The following CFTR variants were observed in gnomAD, a reference collection of about 807,000 sequenced individuals.
CFTR encodes the protein cystic fibrosis transmembrane conductance regulator.
In CFTR, 181 loss-of-function variants were observed where a neutral mutation model predicts 171.6. The observed-to-expected ratio is 1.05, with a 90% confidence interval of 0.93 to 1.19. CFTR has a LOEUF of 1.19. Among genes scored for constraint, CFTR ranks in the 50% most tolerant of loss-of-function variants. The probability of loss-of-function intolerance (pLI) is 0.00; values close to 1 mark genes in which losing one functional copy is unlikely to be tolerated. For synonymous variants in CFTR, 583 were observed against 608.0 expected (o/e 0.96, Z 0.60); for missense variants, 1,968 against 1,734.7 (o/e 1.13, Z -2.39).
chr7:117,489,979 C>G (rs1798131943), intron 1 of CFTR, among the ~76,000 whole-genome samples: 1 of 151,862 alleles, frequency 6.6e-6, no homozygotes, highest in East Asian at 1.9e-4. Flanking sequence ...CCTGATCTTC[C>G]CTTGTGTCCC....
At chr7:117,563,485 T>G (rs1440122684) in intron 11 of CFTR, among the ~76,000 whole-genome samples, 1 of 152,046 alleles carries the variant, frequency 6.6e-6, no homozygotes, top group Non-Finnish European at 1.5e-5. Flanking sequence ...AAATGATCCT[T>G]CAGGAAAGAG....
At chr7:117,503,043 G>C (rs1798357050) in intron 1 of CFTR, among the ~76,000 whole-genome samples, 1 of 152,164 alleles carries the variant, frequency 6.6e-6, no homozygotes, top group Non-Finnish European at 1.5e-5. Flanking sequence ...CAGTGAGATT[G>C]GATATGAGGG....
chr7:117,605,898 G>A (rs1397431888), intron 17 of CFTR, among the ~76,000 whole-genome samples: 1 of 152,096 alleles, frequency 6.6e-6, no homozygotes, highest in Non-Finnish European at 1.5e-5. Flanking sequence ...TAAATGATAA[G>A]ATTCAATATC....
chr7:117,574,805 G>A (rs1161252851), intron 11 of CFTR, among the ~76,000 whole-genome samples: 1 of 152,022 alleles, frequency 6.6e-6, no homozygotes, highest in Non-Finnish European at 1.5e-5. Flanking sequence ...ACAATATTTA[G>A]TAGCTTTTTT....
At chr7:117,520,921 T>C (rs909712445) in intron 3 of CFTR, among the ~76,000 whole-genome samples, 1 of 151,962 alleles carries the variant, frequency 6.6e-6, no homozygotes, top group African/African-American at 2.4e-5. Flanking sequence ...TTGATGAAGA[T>C]TGCACTAATC....
chr7:117,640,770 C>G (rs967631176), intron 22 of CFTR, among the ~76,000 whole-genome samples: 6 of 152,060 alleles, frequency 3.9e-5, no homozygotes, highest in Admixed American at 2.0e-4. Flanking sequence ...AGGAGTTTAT[C>G]TAGCAATTGA....
chr7:117,647,150 CAG>C (rs1456971200), intron 23 of CFTR, among the ~76,000 whole-genome samples: 1 of 151,790 alleles, frequency 6.6e-6, no homozygotes, highest in African/African-American at 2.4e-5. Context: ...TTTTTGGAGA[CAG>C]AGTCTTGCAC....
chr7:117,482,731 A>G (rs1282617010), intron 1 of CFTR, among the ~76,000 whole-genome samples: 1 of 152,164 alleles, frequency 6.6e-6, no homozygotes, highest in African/African-American at 2.4e-5. Flanking sequence ...TTAAATTTAC[A>G]TTTTCTCACA....
At chr7:117,599,493 A>G (rs1041158590) in intron 15 of CFTR, among the ~76,000 whole-genome samples, 2 of 152,154 alleles carry the variant, frequency 1.3e-5, no homozygotes, top group South Asian at 2.1e-4. Context: ...TATAAATACC[A>G]TATAAATATC....
chr7:117,659,385 A>G (rs1322170069), intron 24 of CFTR, among the ~76,000 whole-genome samples: 1 of 152,188 alleles, frequency 6.6e-6, no homozygotes, highest in Non-Finnish European at 1.5e-5. Flanking sequence ...TAATTGTTGT[A>G]TTTCCAGTGC....
intron 11 of CFTR, among the ~76,000 whole-genome samples, chr7:117,564,141 T>C (rs1453105182): frequency 6.6e-6 from 1 of 152,240 alleles, no homozygotes; most frequent in Non-Finnish European, 1.5e-5. Flanking sequence ...TTTTAAACTC[T>C]TGTTGGATGA....
At chr7:117,604,403 G>C (rs1379795002) in intron 17 of CFTR, among the ~76,000 whole-genome samples, 2 of 152,102 alleles carry the variant, frequency 1.3e-5, no homozygotes, top group African/African-American at 2.4e-5. Context: ...TGCACTTAAA[G>C]ACTGAGGTTA....
At chr7:117,576,077 T>C (rs1250441764) in intron 11 of CFTR, among the ~76,000 whole-genome samples, 1 of 152,164 alleles carries the variant, frequency 6.6e-6, no homozygotes, top group Non-Finnish European at 1.5e-5. Context: ...GTATATTGTG[T>C]AAGTTAAGAA....
chr7:117,539,347 A>G (rs2116682224), intron 7 of CFTR, among the ~76,000 whole-genome samples: 1 of 152,274 alleles, frequency 6.6e-6, no homozygotes, highest in Admixed American at 6.5e-5. Context: ...TTGAAATGAG[A>G]CAGAGAGGAT....
intron 11 of CFTR, among the ~76,000 whole-genome samples, chr7:117,568,458 A>C (rs1350238341): frequency 6.6e-6 from 1 of 152,100 alleles, no homozygotes; most frequent in Non-Finnish European, 1.5e-5. Flanking sequence ...GCCAGGTAGG[A>C]AGGAGTAAAT....
chr7:117,596,483 C>T (rs1792128489), intron 15 of CFTR, among the ~76,000 whole-genome samples: 1 of 152,244 alleles, frequency 6.6e-6, no homozygotes, highest in East Asian at 1.9e-4. Flanking sequence ...CGCCCAAGGG[C>T]TGAGGAGTGT....
At chr7:117,486,410 T>C (rs1798074844) in intron 1 of CFTR, among the ~76,000 whole-genome samples, 1 of 152,128 alleles carries the variant, frequency 6.6e-6, no homozygotes, top group South Asian at 2.1e-4. Context: ...AAACCCAGCT[T>C]TCTCGAGGGC....
intron 7 of CFTR, among the ~76,000 whole-genome samples, chr7:117,539,069 T>C (rs1414102452): frequency 6.6e-6 from 1 of 152,130 alleles, no homozygotes; most frequent in Non-Finnish European, 1.5e-5. Flanking sequence ...ATGGCACAGC[T>C]GTTGCCCCCT....
intron 17 of CFTR, among the ~76,000 whole-genome samples, chr7:117,606,286 G>C (rs1477029984): frequency 6.6e-6 from 1 of 152,068 alleles, no homozygotes; most frequent in Non-Finnish European, 1.5e-5. Flanking sequence ...CTATGTTATA[G>C]AATACAAATG....
Sources: allele counts gnomAD v4.1 joint callset (sites outside exome capture counted in the v4.1 genomes callset), GRCh38; gene constraint gnomAD v4.1.1; transcripts MANE v1.5; gene names NCBI Gene and HGNC (gene_info 2026-07-23, HGNC 2026-07-21).